The following PRELID2 variants were observed in gnomAD, a reference collection of about 807,000 sequenced individuals.
PRELID2 encodes the protein PRELI domain containing 2, also known as PRELI domain-containing protein 2.
In PRELID2, 25 loss-of-function variants were observed where a neutral mutation model predicts 28.4. The observed-to-expected ratio is 0.88, with a 90% CI of 0.64 to 1.23. The LOEUF (loss-of-function observed/expected upper bound fraction) is 1.23. Ranked by LOEUF, PRELID2 falls within the 50% of genes most tolerant of loss-of-function variation. PRELID2 has a pLI of 0.00. For missense variants in PRELID2, 201 were observed against 214.4 expected (o/e 0.94, Z 0.39); for synonymous variants, 76 against 71.6 (o/e 1.06, Z -0.31).
intron 1 of PRELID2, among the ~76,000 whole-genome samples, chr5:145,515,249 T>C (rs1238746497): frequency 6.6e-6 from 1 of 151,946 alleles, no homozygotes; most frequent in Non-Finnish European, 1.5e-5. Flanking sequence ...AATAGACCAC[T>C]AGCTAGACTA....
intron 1 of PRELID2, among the ~76,000 whole-genome samples, chr5:145,648,731 CT>C (rs1754238799): frequency 1.3e-5 from 2 of 150,356 alleles, no homozygotes; most frequent in South Asian, 4.1e-4. Flanking sequence ...TTTTAAAATA[CT>C]TCTGCAATAT....
the PRELID2 span, chr5:145,229,130 C>A: frequency 7.8e-7 from 1 of 1,286,946 alleles, no homozygotes. Flanking sequence ...TGGAAACCGT[C>A]CAGCGGGTGG....
At chr5:145,640,475 C>CA (rs56917249) in intron 1 of PRELID2, among the ~76,000 whole-genome samples, 5,970 of 54,596 alleles carry the variant, frequency 0.11, 696 homozygotes, top group Admixed American at 0.19. Context: ...GACTCCGTCT[C>CA]AAAAAAAAAA....
chr5:145,349,544 C>A, the PRELID2 span, among the ~76,000 whole-genome samples: 1 of 151,850 alleles, frequency 6.6e-6, no homozygotes, highest in Non-Finnish European at 1.5e-5. Flanking sequence ...TTCTTGAAAC[C>A]ATGAAGAGAC....
At chr5:145,731,461 G>T (rs1160472291) in intron 1 of PRELID2, among the ~76,000 whole-genome samples, 1 of 152,214 alleles carries the variant, frequency 6.6e-6, no homozygotes, top group African/African-American at 2.4e-5. Flanking sequence ...AATTGTTAGA[G>T]AGTACGACAT....
At chr5:145,584,820 C>CT (rs1376278680) in intron 1 of PRELID2, among the ~76,000 whole-genome samples, 2 of 152,114 alleles carry the variant, frequency 1.3e-5, no homozygotes, top group African/African-American at 2.4e-5. Flanking sequence ...AAAGGGAACA[C>CT]TTTTACACTG....
In PRELID2 at chr5:145,757,523, C is replaced by T. The variant is rs1163798791; in HGVS notation, c.*3013G>A. Among the ~76,000 whole-genome samples, 1 of 152,128 alleles carries T rather than the reference C, an allele frequency of 6.6e-6. No individual in the cohort carries two copies. The highest frequency in any genetic ancestry group is 1.5e-5 in the Non-Finnish European group (1 of 68,036). ...GGCCAGGTCTGTGAATTAACCCTTT[C>T]CCACTCTTGTTTCTAGTGTGCCCAA... On this transcript the variant is annotated 3_prime_UTR_variant, in exon 7 of 7. Transcript: ENST00000683046.
chr5:145,266,423 C>T, the PRELID2 span, among the ~76,000 whole-genome samples: 1,842 of 149,500 alleles, frequency 0.012, 31 homozygotes, highest in African/African-American at 0.042. Flanking sequence ...AAATGACCAA[C>T]AAACATGTGA....
chr5:145,692,375 C>A (rs1755168652), intron 1 of PRELID2, among the ~76,000 whole-genome samples: 1 of 152,172 alleles, frequency 6.6e-6, no homozygotes, highest in South Asian at 2.1e-4. Context: ...CACACACACA[C>A]ACAAACACAC....
chr5:145,248,974 C>T, the PRELID2 span, among the ~76,000 whole-genome samples: 3 of 152,044 alleles, frequency 2.0e-5, no homozygotes, highest in Non-Finnish European at 2.9e-5. Context: ...GAGGCTATCA[C>T]GTGTTTCACT....
At chr5:145,544,595 G>A (rs7726360) in intron 1 of PRELID2, among the ~76,000 whole-genome samples, 32,733 of 151,962 alleles carry the variant, frequency 0.22, 4,177 homozygotes, top group African/African-American at 0.37. Context: ...CCACCCTTTT[G>A]AGAAGTGTCT....
the PRELID2 span, among the ~76,000 whole-genome samples, chr5:145,407,060 G>C: frequency 6.6e-6 from 1 of 152,144 alleles, no homozygotes; most frequent in African/African-American, 2.4e-5. Flanking sequence ...AATTTTGATT[G>C]AGCACAAATT....
At chr5:145,410,272 A>T in the PRELID2 span, among the ~76,000 whole-genome samples, 2 of 152,222 alleles carry the variant, frequency 1.3e-5, no homozygotes, top group African/African-American at 2.4e-5. Context: ...ATGACCAAGA[A>T]TCCAAAAGCA....
intron 1 of PRELID2, among the ~76,000 whole-genome samples, chr5:145,669,682 A>G (rs1754666839): frequency 1.3e-5 from 2 of 152,076 alleles, no homozygotes; most frequent in Admixed American, 1.3e-4. Flanking sequence ...GTGGCCCACA[A>G]CCATGCATGT....
At chr5:145,474,460 G>T (rs1223004786) in intron 1 of PRELID2, among the ~76,000 whole-genome samples, 1 of 152,144 alleles carries the variant, frequency 6.6e-6, no homozygotes, top group East Asian at 1.9e-4. Context: ...ATCAGGCCTT[G>T]GTTAGCCATG....
chr5:145,788,276 C>A (rs969758439), intron 5 of PRELID2, among the ~76,000 whole-genome samples: 11 of 152,322 alleles, frequency 7.2e-5, no homozygotes, highest in African/African-American at 2.6e-4. Context: ...TATCTCAAGG[C>A]CTATTAAAAG....
At chr5:145,451,382 C>T in the PRELID2 span, among the ~76,000 whole-genome samples, 29 of 152,314 alleles carry the variant, frequency 1.9e-4, no homozygotes, top group African/African-American at 6.7e-4. Flanking sequence ...TCATCCTTAC[C>T]GGTCATCTTT....
At chr5:145,781,638 CTA>C (rs1219188550) in intron 5 of PRELID2, among the ~76,000 whole-genome samples, 4 of 136,022 alleles carry the variant, frequency 2.9e-5, no homozygotes, top group African/African-American at 8.9e-5. Flanking sequence ...TATATACACA[CTA>C]TATATATACT....
At chr5:145,801,075 A>G (rs2149826204) in intron 4 of PRELID2, among the ~76,000 whole-genome samples, 1 of 152,282 alleles carries the variant, frequency 6.6e-6, no homozygotes, top group East Asian at 1.9e-4. Flanking sequence ...AGAATTATAT[A>G]TGTTATTTAC....
Sources: gnomAD v4.1 joint callset for allele counts (sites outside exome capture counted in the v4.1 genomes callset) on GRCh38, gnomAD v4.1.1 for gene constraint, MANE v1.5 for transcripts, NCBI Gene and HGNC (gene_info 2026-07-23, HGNC 2026-07-21) for gene names.